Variants in ASPH observed in about 807,000 individuals in gnomAD.
ASPH encodes aspartyl/asparaginyl beta-hydroxylase.
ASPH carries 100 observed loss-of-function variants against 118.4 expected under a neutral mutation model. The observed-to-expected ratio is 0.84, with a 90% confidence interval of 0.72 to 1.00. The LOEUF is 1.00. Ranked by LOEUF, ASPH falls within the 50% of genes least tolerant of loss-of-function variation. The probability of loss-of-function intolerance (pLI) is 0.00; values close to 1 mark genes in which losing one functional copy is unlikely to be tolerated. For synonymous variants in ASPH, 315 were observed against 325.6 expected, an observed-to-expected ratio of 0.97 and a Z score of 0.35; for missense variants, 920 against 919.5, an observed-to-expected ratio of 1.00 and a Z score of -0.01.
intron 1 of ASPH, among the ~76,000 whole-genome samples, chr8:61,695,406 C>T (rs987146641): frequency 1.3e-5 from 2 of 152,338 alleles, no homozygotes; most frequent in South Asian, 2.1e-4. Flanking sequence ...GTGTCACCCC[C>T]CTAGCTGCCT....
At chr8:61,540,344 C>G (rs1382494868) in intron 21 of ASPH, among the ~76,000 whole-genome samples, 7 of 152,098 alleles carry the variant, frequency 4.6e-5, no homozygotes, top group Non-Finnish European at 1.0e-4. Context: ...TTGGTACTGT[C>G]CTCGTGATAG....
At chr8:61,510,628 G>A (rs1808473363) in intron 24 of ASPH, among the ~76,000 whole-genome samples, 1 of 152,184 alleles carries the variant, frequency 6.6e-6, no homozygotes, top group African/African-American at 2.4e-5. Context: ...AAATGTATGT[G>A]TGCACTTTCT....
chr8:61,524,256 T>G (rs768446919), intron 22 of ASPH, among the ~76,000 whole-genome samples: 3 of 152,144 alleles, frequency 2.0e-5, no homozygotes, highest in Non-Finnish European at 4.4e-5. Flanking sequence ...AGGGAATACA[T>G]CCAAACCTGT....
At chr8:61,583,567 T>C in intron 15 of ASPH, 1 of 161,940 alleles carries the variant, frequency 6.2e-6, no homozygotes, top group East Asian at 1.8e-4. Flanking sequence ...AAAATTCTCA[T>C]TTGATCTTTA....
chr8:61,526,164 C>A (rs768924739), intron 21 of ASPH, 52 bp from the exon 22 acceptor site: 1 of 1,603,676 alleles, frequency 6.2e-7, no homozygotes, highest in South Asian at 1.1e-5. Context: ...TGGTGGAGCA[C>A]CTCATAATGA....
rs983004660 is a variant in ASPH, at chr8:61,533,916, A to AT, written c.1765-7805_1765-7804insA. Among the ~76,000 whole-genome samples the AT allele has an allele frequency of 1.1e-3, 169 of 152,300 alleles. 1 individual carries two copies. The highest frequency in any genetic ancestry group is 3.5e-3 in the African/African-American group (144 of 41,568). On this transcript the variant is annotated intron_variant, in intron 21 of 24. Coordinates refer to ENST00000379454, the MANE Select transcript of ASPH (RefSeq NM_004318.4). ...GAGGTTTCAGGTGGGGGGTGCTATT[A>AT]AATGCATGTGCTCAGTTTGTTTAAT...
chr8:61,576,736 C>A, intron 16 of ASPH, 36 bp downstream of exon 16: 1 of 1,558,482 alleles, frequency 6.4e-7, no homozygotes, highest in Non-Finnish European at 8.7e-7. Flanking sequence ...ACATGAACAT[C>A]AAAAAAGTGT....
intron 14 of ASPH, among the ~76,000 whole-genome samples, chr8:61,592,371 C>G (rs994389121): frequency 2.6e-5 from 4 of 152,196 alleles, no homozygotes; most frequent in African/African-American, 9.7e-5. Flanking sequence ...TATGATCAGA[C>G]ATTTCCCTGG....
intron 15 of ASPH, chr8:61,578,548 G>A (rs7832307): frequency 0.84 from 1,269,183 of 1,503,772 alleles, 538,125 homozygotes; most frequent in African/African-American, 0.91. Flanking sequence ...GACAAGGTAC[G>A]GTTCCTGGAG....
chr8:61,622,313 G>C (rs1424393841), intron 13 of ASPH, among the ~76,000 whole-genome samples: 3 of 152,184 alleles, frequency 2.0e-5, no homozygotes, highest in Admixed American at 6.5e-5. Context: ...ACTCCAGTCT[G>C]GTGACAGGGC....
At chr8:61,536,125 T>G (rs1235713048) in intron 21 of ASPH, among the ~76,000 whole-genome samples, 1 of 150,378 alleles carries the variant, frequency 6.6e-6, no homozygotes, top group African/African-American at 2.4e-5. Context: ...CTGCAACCTC[T>G]GCCTCGCAGG....
At chr8:61,689,850 T>A in intron 1 of ASPH, 1 of 1,380,012 alleles carries the variant, frequency 7.2e-7, no homozygotes, top group Non-Finnish European at 9.4e-7. Context: ...AGAACTGAAA[T>A]TGGACCTGAC....
intron 14 of ASPH, among the ~76,000 whole-genome samples, chr8:61,599,497 G>T (rs1320375973): frequency 1.4e-5 from 2 of 141,016 alleles, no homozygotes; most frequent in Non-Finnish European, 3.1e-5. Context: ...AAAAAGAAAA[G>T]AAAAACAAAA....
intron 21 of ASPH, among the ~76,000 whole-genome samples, chr8:61,529,474 A>G (rs1003354909): frequency 1.3e-5 from 2 of 152,196 alleles, no homozygotes; most frequent in African/African-American, 2.4e-5. Context: ...ACCTGATGAC[A>G]TGTGTTTGAA....
chr8:61,567,030 C>CA (rs1406480705), intron 17 of ASPH, 138 bp downstream of exon 17: 65 of 1,066,540 alleles, frequency 6.1e-5, no homozygotes, highest in Non-Finnish European at 6.6e-5. Context: ...GAGCCTAGGA[C>CA]AGACACATTA....
chr8:61,514,670 T>C (rs2129617386), intron 24 of ASPH, among the ~76,000 whole-genome samples: 1 of 152,016 alleles, frequency 6.6e-6, no homozygotes, highest in Middle Eastern at 3.4e-3. Context: ...GATCGCCCCA[T>C]TGTACTCCAG....
chr8:61,654,254 G>A (rs1415231119), intron 3 of ASPH, among the ~76,000 whole-genome samples: 1 of 151,938 alleles, frequency 6.6e-6, no homozygotes, highest in East Asian at 1.9e-4. Flanking sequence ...AAGACAGCAG[G>A]GTATGTTAAC....
At chr8:61,564,734 A>G (rs1831093744) in intron 17 of ASPH, among the ~76,000 whole-genome samples, 1 of 152,148 alleles carries the variant, frequency 6.6e-6, no homozygotes, top group Non-Finnish European at 1.5e-5. Flanking sequence ...AGTCTAACTG[A>G]CCATTTCTTA....
chr8:61,680,937 C>CA, intron 3 of ASPH, 31 bp downstream of exon 3: 1 of 1,541,408 alleles, frequency 6.5e-7, no homozygotes, highest in Non-Finnish European at 8.8e-7. Flanking sequence ...ATTTTATCAC[C>CA]ACTAACAAAA....
Sources: gnomAD v4.1 joint callset for allele counts (sites outside exome capture counted in the v4.1 genomes callset) on GRCh38, gnomAD v4.1.1 for gene constraint, MANE v1.5 for transcripts, NCBI Gene and HGNC (gene_info 2026-07-23, HGNC 2026-07-21) for gene names.